CWF19L2: variants seen among roughly 807,000 people sequenced by gnomAD.
CWF19L2 encodes CWF19-like protein 2.
A neutral mutation model predicts 111.7 loss-of-function variants in CWF19L2; 98 were observed. That is an observed-to-expected ratio of 0.88 (90% CI 0.75 to 1.04). The LOEUF (loss-of-function observed/expected upper bound fraction) is 1.04. Ranked by LOEUF, CWF19L2 falls within the 50% of genes least tolerant of loss-of-function variation. The pLI, the probability that CWF19L2 is intolerant of heterozygous loss-of-function variation, is 0.00. For missense variants in CWF19L2, 1,101 were observed against 1,051.4 expected (o/e 1.05, Z -0.65); for synonymous variants, 351 against 342.9 (o/e 1.02, Z -0.26).
At chr11:107,397,681 G>C (rs966666160) in intron 10 of CWF19L2, among the ~76,000 whole-genome samples, 3 of 152,140 alleles carry the variant, frequency 2.0e-5, no homozygotes, top group Non-Finnish European at 4.4e-5. Context: ...ATGCTCTCTG[G>C]AAAGTGCCAC....
chr11:107,425,801 T>C (rs983266832), intron 8 of CWF19L2, among the ~76,000 whole-genome samples: 2 of 151,922 alleles, frequency 1.3e-5, no homozygotes. Context: ...GGTTAAAATA[T>C]TATATAAAAT....
chr11:107,430,442 G>A lies in CWF19L2; in HGVS notation c.781-991C>T, dbSNP rs1194661092. Among the ~76,000 whole-genome samples, 3 of 151,984 alleles carry A rather than the reference G, an allele frequency of 2.0e-5. No individual in the cohort carries two copies. In the East Asian group the frequency reaches 5.8e-4, roughly 29 times the overall value. ...TTCACAGTCAAATTATCCTTCCTTG[G>A]TATGGGCCAAAGAAAATCATTTTCA... On this transcript the variant is annotated intron_variant, in intron 7 of 17. Transcript: ENST00000282251.
At chr11:107,385,800 C>T (rs1284733182) in intron 12 of CWF19L2, among the ~76,000 whole-genome samples, 1 of 152,228 alleles carries the variant, frequency 6.6e-6, no homozygotes, top group Non-Finnish European at 1.5e-5. Flanking sequence ...CCAGCACAAC[C>T]ATGCTGTGTA....
intron 3 of CWF19L2, among the ~76,000 whole-genome samples, chr11:107,448,762 C>T (rs950191139): frequency 1.3e-5 from 2 of 152,094 alleles, no homozygotes; most frequent in African/African-American, 4.8e-5. Context: ...CTCCCTTCTG[C>T]CATATGAGGT....
intron 3 of CWF19L2, among the ~76,000 whole-genome samples, chr11:107,444,893 G>A (rs190363073): frequency 3.9e-5 from 6 of 151,990 alleles, no homozygotes; most frequent in Admixed American, 2.6e-4. Context: ...ATTACCATAC[G>A]AGCCTACCTC....
chr11:107,425,213 C>CAT (rs1394812931), intron 8 of CWF19L2, among the ~76,000 whole-genome samples: 4 of 150,436 alleles, frequency 2.7e-5, no homozygotes, highest in African/African-American at 7.4e-5. Context: ...CACACACACA[C>CAT]ACAAAGAGGT....
chr11:107,342,615 T>TA (rs1860021260), intron 14 of CWF19L2, among the ~76,000 whole-genome samples: 2 of 152,158 alleles, frequency 1.3e-5, no homozygotes, highest in Non-Finnish European at 2.9e-5. Flanking sequence ...CTAATATTGT[T>TA]AAGTGGAGTG....
intron 17 of CWF19L2, among the ~76,000 whole-genome samples, chr11:107,327,609 A>G (rs1271017378): frequency 1.3e-5 from 2 of 152,208 alleles, no homozygotes; most frequent in Non-Finnish European, 2.9e-5. Context: ...TCATTTAAAA[A>G]ATCACATTCT....
chr11:107,427,655 C>T (rs1234014554), intron 8 of CWF19L2, among the ~76,000 whole-genome samples: 1 of 152,044 alleles, frequency 6.6e-6, no homozygotes, highest in Non-Finnish European at 1.5e-5. Flanking sequence ...AGCCTCATTC[C>T]CCTAGTGACT....
intron 12 of CWF19L2, among the ~76,000 whole-genome samples, chr11:107,373,750 A>G (rs1390497334): frequency 7.5e-6 from 1 of 133,844 alleles, no homozygotes; most frequent in African/African-American, 3.0e-5. Flanking sequence ...CTCACCAGCA[A>G]CGGAACAAAG....
At chr11:107,391,016 A>G (rs911605099) in intron 11 of CWF19L2, among the ~76,000 whole-genome samples, 2 of 152,090 alleles carry the variant, frequency 1.3e-5, no homozygotes, top group Non-Finnish European at 1.5e-5. Flanking sequence ...TCAGACTCCA[A>G]GTTCTTCAGT....
chr11:107,372,913 G>A lies in CWF19L2; in HGVS notation c.1872+17161C>T, dbSNP rs569694369. 2.2e-4 allele frequency among the ~76,000 whole-genome samples: 28 copies of A among 125,692 alleles called. 3 individuals are homozygous for A. The highest frequency in any genetic ancestry group is 8.3e-4 in the African/African-American group (24 of 28,864). The allele number at this position is 125,692 out of a possible 152,430, so 82.5% of individuals were successfully genotyped here. ...ACAGTGGGCGCAGGCCAGTGGGTGC[G>A]CGCACCATGCGTGAGCCGAAGCAGG... On this transcript the variant is annotated intron_variant, in intron 12 of 17. Coordinates refer to ENST00000282251, the MANE Select transcript of CWF19L2 (RefSeq NM_152434.3).
At chr11:107,334,790 C>G in intron 16 of CWF19L2, 91 bp downstream of exon 16, 6 of 835,028 alleles carry the variant, frequency 7.2e-6, no homozygotes, top group African/African-American at 1.7e-5. Context: ...AGTCACTCAA[C>G]CAAATGGTCC....
chr11:107,332,115 G>A (rs1427867133), intron 16 of CWF19L2, among the ~76,000 whole-genome samples: 1 of 152,152 alleles, frequency 6.6e-6, no homozygotes, highest in African/African-American at 2.4e-5. Flanking sequence ...CCTTGAATTT[G>A]AAGGCCTCTG....
In CWF19L2 at chr11:107,382,228, G is replaced by A. The variant is rs563196783; in HGVS notation, c.1872+7846C>T. On this transcript the variant is annotated intron_variant, in intron 12 of 17. Transcript: ENST00000282251. ...ATACACAGCTTATTATTCCCAAATA[G>A]CAATAAACGATACATGGAAATTGGA... Among the ~76,000 whole-genome samples, 25 of 152,270 alleles carry A rather than the reference G, an allele frequency of 1.6e-4. No individual in the cohort carries two copies. In the East Asian group the frequency reaches 4.4e-3, roughly 27 times the overall value.
rs779840869 is a variant in CWF19L2, at chr11:107,428,893, G to A, written c.1339C>T (p.Pro447Ser). 7 of 1,613,518 alleles carry A rather than the reference G, an allele frequency of 4.3e-6. 1 individual carries two copies. The Admixed American group carries it at 6.7e-5, about 15-fold the overall frequency. ...TGTGATTTTTCTCTTGGGTCTTCTG[G>A]AACATGTTGGTGTTCATCAGTACTG... The part of the protein sequence containing the change: ...ETSTDEHQHV[P>S]EDPREKSQDE... Residue 447 changes from proline to serine, a missense_variant, in exon 8 of 18, where the codon CCA (proline) becomes TCA (serine). Transcript: ENST00000282251.
intron 12 of CWF19L2, among the ~76,000 whole-genome samples, chr11:107,382,501 A>G (rs1201649071): frequency 3.3e-5 from 5 of 152,230 alleles, no homozygotes; most frequent in Admixed American, 2.0e-4. Flanking sequence ...GTCCCTTTCC[A>G]AATCTAAAAT....
At chr11:107,419,980 A>G (rs147955780) in intron 8 of CWF19L2, among the ~76,000 whole-genome samples, 1 of 152,122 alleles carries the variant, frequency 6.6e-6, no homozygotes, top group Non-Finnish European at 1.5e-5. Context: ...ACTTGAAGAT[A>G]GACTATGATA....
intron 12 of CWF19L2, among the ~76,000 whole-genome samples, chr11:107,382,701 T>C (rs919405218): frequency 6.6e-6 from 1 of 152,240 alleles, no homozygotes; most frequent in Non-Finnish European, 1.5e-5. Flanking sequence ...TCACAGTTCC[T>C]GATTCATAAC....
Sources: allele counts gnomAD v4.1 joint callset (sites outside exome capture counted in the v4.1 genomes callset), GRCh38; gene constraint gnomAD v4.1.1; transcripts MANE v1.5; gene names NCBI Gene and HGNC (gene_info 2026-07-23, HGNC 2026-07-21).